BABAM2: variants seen among roughly 807,000 people sequenced by gnomAD.
BABAM2 encodes BRISC and BRCA1-A complex member 2.
A neutral mutation model predicts 54.7 loss-of-function variants in BABAM2; 31 were observed. The observed-to-expected ratio is 0.57, with a 90% CI of 0.43 to 0.77. The LOEUF (loss-of-function observed/expected upper bound fraction) is 0.77, where lower values mean the gene tolerates loss of function less well. Among genes scored for constraint, BABAM2 ranks in the 30% least tolerant of loss-of-function variants. The probability of loss-of-function intolerance (pLI) is 0.00; values close to 1 mark genes in which losing one functional copy is unlikely to be tolerated. For missense variants in BABAM2, 364 were observed against 455.8 expected (o/e 0.80, Z 1.83); for synonymous variants, 167 against 162.9 (o/e 1.03, Z -0.19).
chr2:28,059,551 A>G (rs1184850509), intron 6 of BABAM2, among the ~76,000 whole-genome samples: 2 of 152,352 alleles, frequency 1.3e-5, no homozygotes, highest in Admixed American at 6.5e-5. Context: ...AGATCCTGGA[A>G]TACTGATAGT....
intron 7 of BABAM2, among the ~76,000 whole-genome samples, chr2:28,204,675 G>T (rs1678639641): frequency 1.3e-5 from 2 of 152,086 alleles, no homozygotes; most frequent in Admixed American, 6.5e-5. Context: ...TAATAGTAGT[G>T]ACTTATAGTT....
At chr2:28,196,709 C>T (rs541717313) in intron 7 of BABAM2, among the ~76,000 whole-genome samples, 2 of 152,044 alleles carry the variant, frequency 1.3e-5, no homozygotes, top group South Asian at 4.2e-4. Context: ...ATTAGCTTGG[C>T]ATGATGGCTT....
At chr2:27,952,517 C>T (rs1051405089) in intron 3 of BABAM2, among the ~76,000 whole-genome samples, 5 of 152,292 alleles carry the variant, frequency 3.3e-5, no homozygotes, top group Admixed American at 6.5e-5. Context: ...GTTTAGGAAA[C>T]TAGGTGCTTA....
At chr2:27,896,715 G>T in intron 2 of BABAM2, 1 of 179,024 alleles carries the variant, frequency 5.6e-6, no homozygotes, top group Non-Finnish European at 1.2e-5. Flanking sequence ...TGTACATCTT[G>T]TCATAGAGGA....
In BABAM2 at chr2:28,075,544, C is replaced by T. The variant is rs76767040; in HGVS notation, c.570+29745C>T. ...ATCACGTTTTTCTCTCTCTCTCTCT[C>T]TCTTTCTCTGTGCATGTGTGTGTGT... On this transcript the variant is annotated intron_variant, in intron 6 of 11. Coordinates refer to ENST00000379624, the MANE Select transcript of BABAM2 (RefSeq NM_199191.3). Among the ~76,000 whole-genome samples, 1,153 of 150,456 alleles carry T rather than the reference C, an allele frequency of 7.7e-3. 13 individuals are homozygous for T. Among genetic ancestry groups the T allele is most frequent in the African/African-American group, 0.028 (1,115 of 39,990 alleles).
At chr2:28,158,924 G>A (rs945983567) in intron 7 of BABAM2, among the ~76,000 whole-genome samples, 2 of 152,182 alleles carry the variant, frequency 1.3e-5, no homozygotes, top group African/African-American at 4.8e-5. Flanking sequence ...AGTGGTTTAA[G>A]CTGTCTGGCG....
intron 6 of BABAM2, among the ~76,000 whole-genome samples, chr2:28,100,974 G>C (rs1201108990): frequency 6.6e-6 from 1 of 152,174 alleles, no homozygotes; most frequent in African/African-American, 2.4e-5. Context: ...GCAACAGATA[G>C]GTATCATTTC....
chr2:28,046,266 C>T (rs1254467857), intron 6 of BABAM2, among the ~76,000 whole-genome samples: 1 of 152,048 alleles, frequency 6.6e-6, no homozygotes, highest in Non-Finnish European at 1.5e-5. Flanking sequence ...ACCAGCCTGG[C>T]CAACATGGTG....
intron 7 of BABAM2, among the ~76,000 whole-genome samples, chr2:28,213,203 G>C (rs1316040635): frequency 6.6e-6 from 1 of 151,640 alleles, no homozygotes; most frequent in Non-Finnish European, 1.5e-5. Flanking sequence ...CTCCACCTGG[G>C]TGACAGAACG....
At chr2:28,292,753 A>G (rs1687391510) in intron 10 of BABAM2, among the ~76,000 whole-genome samples, 1 of 152,246 alleles carries the variant, frequency 6.6e-6, no homozygotes, top group Non-Finnish European at 1.5e-5. Flanking sequence ...AAAGACCCAT[A>G]GCCCACTTCC....
At chr2:28,085,740 C>T (rs1317573611) in intron 6 of BABAM2, among the ~76,000 whole-genome samples, 1 of 152,110 alleles carries the variant, frequency 6.6e-6, no homozygotes, top group Non-Finnish European at 1.5e-5. Context: ...GGTATTGCCT[C>T]AGGATCATCA....
chr2:28,042,970 G>A (rs1677234430), intron 5 of BABAM2, among the ~76,000 whole-genome samples: 1 of 151,796 alleles, frequency 6.6e-6, no homozygotes, highest in Non-Finnish European at 1.5e-5. Context: ...CTTGCAGTGA[G>A]CTGAGATCGC....
intron 7 of BABAM2, among the ~76,000 whole-genome samples, chr2:28,212,401 C>G (rs1041406540): frequency 1.3e-5 from 2 of 152,146 alleles, no homozygotes; most frequent in East Asian, 3.8e-4. Flanking sequence ...AATACATTCT[C>G]ATGGTTCAAA....
intron 10 of BABAM2, among the ~76,000 whole-genome samples, chr2:28,256,665 A>G (rs1277169741): frequency 1.5e-5 from 2 of 133,472 alleles, no homozygotes; most frequent in Non-Finnish European, 1.6e-5. Flanking sequence ...TCAATTAAGT[A>G]TTTTTCATAT....
chr2:27,975,918 T>C (rs558033427), intron 3 of BABAM2, among the ~76,000 whole-genome samples: 1 of 152,160 alleles, frequency 6.6e-6, no homozygotes, highest in East Asian at 1.9e-4. Flanking sequence ...AAGGAATATA[T>C]ACAGGTAGCA....
At chr2:28,256,674 A>G (rs1017943831) in intron 10 of BABAM2, among the ~76,000 whole-genome samples, 31 of 146,622 alleles carry the variant, frequency 2.1e-4, no homozygotes, top group African/African-American at 7.7e-4. Context: ...TATTTTTCAT[A>G]TGTTTGGATG....
At chr2:28,233,003 C>T in intron 7 of BABAM2, 1 of 306,370 alleles carries the variant, frequency 3.3e-6, no homozygotes, top group Non-Finnish European at 6.7e-6. Context: ...AAAACTCTGG[C>T]CTCATCCTTC....
intron 6 of BABAM2, among the ~76,000 whole-genome samples, chr2:28,117,650 A>T (rs1668721451): frequency 6.6e-6 from 1 of 152,080 alleles, no homozygotes; most frequent in Non-Finnish European, 1.5e-5. Flanking sequence ...GCAGCTCACC[A>T]TTTCTTCTGC....
chr2:27,965,149 T>A (rs1193688887), intron 3 of BABAM2, among the ~76,000 whole-genome samples: 1 of 152,200 alleles, frequency 6.6e-6, no homozygotes, highest in African/African-American at 2.4e-5. Context: ...ATGCCCTTTT[T>A]TCCCACTCTG....
Sources: gnomAD v4.1 joint callset for allele counts (sites outside exome capture counted in the v4.1 genomes callset) on GRCh38, gnomAD v4.1.1 for gene constraint, MANE v1.5 for transcripts, NCBI Gene and HGNC (gene_info 2026-07-23, HGNC 2026-07-21) for gene names.